SYTL3: variants seen among roughly 807,000 people sequenced by gnomAD.
SYTL3 encodes synaptotagmin like 3.
In SYTL3, 88 loss-of-function variants were observed where a neutral mutation model predicts 82.1. That is an observed-to-expected ratio of 1.07 (90% CI 0.90 to 1.28). The LOEUF (loss-of-function observed/expected upper bound fraction) is 1.28, where lower values mean the gene tolerates loss of function less well. SYTL3 is among the 50% of genes most tolerant of loss of function. The pLI, the probability that SYTL3 is intolerant of heterozygous loss-of-function variation, is 0.00. For synonymous variants in SYTL3, 311 were observed against 289.4 expected, an observed-to-expected ratio of 1.07 and a Z score of -0.76; for missense variants, 831 against 757.6, an observed-to-expected ratio of 1.10 and a Z score of -1.14.
chr6:158,745,722 A>T, intron 12 of SYTL3, 64 bp downstream of exon 12: 1 of 1,286,748 alleles, frequency 7.8e-7, no homozygotes, highest in Non-Finnish European at 1.1e-6. Context: ...TGAAAAAGTA[A>T]AAGTCTAAGA....
chr6:158,722,762 G>GGTTTTTT (rs1784256992), intron 10 of SYTL3, among the ~76,000 whole-genome samples: 1 of 80,896 alleles, frequency 1.2e-5, no homozygotes, highest in African/African-American at 5.4e-5. Flanking sequence ...TCTCTTTTCT[G>GGTTTTTT]TTTTTTTTTT....
At chr6:158,736,865 T>C (rs771805511) in intron 11 of SYTL3, among the ~76,000 whole-genome samples, 11 of 151,642 alleles carry the variant, frequency 7.3e-5, no homozygotes, top group Non-Finnish European at 1.3e-4. Context: ...TTTGAAATAG[T>C]GTTTCCTGGA....
intron 5 of SYTL3, among the ~76,000 whole-genome samples, chr6:158,678,035 G>T (rs317790): frequency 2.0e-5 from 3 of 152,056 alleles, no homozygotes; most frequent in African/African-American, 7.2e-5. Context: ...GACTACTGGC[G>T]TGCACCACCA....
At chr6:158,696,208 C>G (rs567919068) in intron 6 of SYTL3, among the ~76,000 whole-genome samples, 153 of 149,274 alleles carry the variant, frequency 1.0e-3, no homozygotes, top group African/African-American at 3.3e-3. Context: ...TTTATTAACA[C>G]TTTTTTTTTT....
At chr6:158,697,913 G>A (rs2128434733) in intron 6 of SYTL3, among the ~76,000 whole-genome samples, 1 of 152,272 alleles carries the variant, frequency 6.6e-6, no homozygotes, top group Non-Finnish European at 1.5e-5. Flanking sequence ...AATGTCTGGT[G>A]GCAGAAGGAT....
At position 158,749,366 on chromosome 6, in the gene SYTL3, G is replaced by A. The variant is rs1162083265; in HGVS notation, c.1035-2562G>A. Among the ~76,000 whole-genome samples, 3 of 138,128 alleles carry A rather than the reference G, an allele frequency of 2.2e-5. No homozygotes were observed. The Admixed American group carries it at 2.2e-4, about 10-fold the overall frequency. The allele number at this position is 138,128 out of a possible 152,430, so 90.6% of individuals were successfully genotyped here. A position where few individuals can be genotyped will look rare whatever the true frequency, so the allele number is the denominator to read the frequency against. On this transcript the variant is annotated intron_variant, in intron 12 of 17. Transcript: ENST00000611299. The stretch of plus-strand genomic sequence containing the variant: ...AGATTGTGCCACTGTACTCCAGCCT[G>A]GGCAACCAAGTGAGACTCTGTCTGA...
intron 8 of SYTL3, among the ~76,000 whole-genome samples, chr6:158,709,725 A>C (rs1318980634): frequency 6.6e-6 from 1 of 152,218 alleles, no homozygotes; most frequent in Non-Finnish European, 1.5e-5. Context: ...TGAATGTTGG[A>C]ATCCTGAAAG....
chr6:158,715,043 G>T (rs1223345437), intron 9 of SYTL3, among the ~76,000 whole-genome samples: 1 of 152,134 alleles, frequency 6.6e-6, no homozygotes, highest in Non-Finnish European at 1.5e-5. Flanking sequence ...ATCCTGCTGG[G>T]CTCTCTGACA....
chr6:158,648,878 C>A (rs1787693838), upstream of SYTL3, among the ~76,000 whole-genome samples: 1 of 152,138 alleles, frequency 6.6e-6, no homozygotes, highest in Non-Finnish European at 1.5e-5. Flanking sequence ...GAGTCCTGTG[C>A]TGAGAAAAGC....
intron 12 of SYTL3, among the ~76,000 whole-genome samples, chr6:158,751,221 G>A (rs936790499): frequency 2.6e-5 from 4 of 152,064 alleles, no homozygotes; most frequent in Non-Finnish European, 5.9e-5. Flanking sequence ...GGAAAGTAGA[G>A]CCTGTTTCTA....
intron 6 of SYTL3, among the ~76,000 whole-genome samples, chr6:158,700,858 T>C (rs563918562): frequency 2.5e-4 from 38 of 151,956 alleles, no homozygotes; most frequent in East Asian, 3.9e-4. Flanking sequence ...CCTCATGATC[T>C]GCCCTCCTTG....
At chr6:158,756,718 AATTTTTTTTTTTTT>A (rs1415154595) in intron 13 of SYTL3, among the ~76,000 whole-genome samples, 1 of 47,340 alleles carries the variant, frequency 2.1e-5, no homozygotes, top group African/African-American at 7.2e-5. Context: ...CTCAAAAAAA[AATTTTTTTTTTTTT>A]TTTTTTTTTT....
At chr6:158,746,062 G>A (rs1434988919) in intron 12 of SYTL3, among the ~76,000 whole-genome samples, 1 of 152,100 alleles carries the variant, frequency 6.6e-6, no homozygotes, top group Non-Finnish European at 1.5e-5. Flanking sequence ...CCCCTTTCTG[G>A]TTCTTAGATG....
chr6:158,699,598 G>A (rs1450238408), intron 6 of SYTL3, among the ~76,000 whole-genome samples: 1 of 152,200 alleles, frequency 6.6e-6, no homozygotes, highest in East Asian at 1.9e-4. Context: ...AGTGCTGTGA[G>A]CCCTGCTGTG....
rs182074552 is a variant in SYTL3 at position 158,745,707 on chromosome 6, G to C, written c.1034+49G>C. The C allele has an allele frequency of 3.0e-6, 4 of 1,350,954 alleles. No homozygotes were observed. In the Admixed American group the frequency reaches 1.1e-4, roughly 36 times the overall value. The allele number at this position is 1,350,954 out of a possible 1,614,324, so 83.7% of individuals were successfully genotyped here. On this transcript the variant is annotated intron_variant, in intron 12 of 17. Coordinates refer to ENST00000611299, the MANE Select transcript of SYTL3 (RefSeq NM_001242394.2). Reference sequence around the variant, plus strand: ...ACATGAGACATATTGATTCCAAAATGTATATGAAAAAGTAAAAGTCTAAGA... The same window carrying C: ...ACATGAGACATATTGATTCCAAAATCTATATGAAAAAGTAAAAGTCTAAGA...
chr6:158,717,997 C>A, intron 9 of SYTL3, 90 bp from the exon 10 acceptor site: 1 of 1,298,878 alleles, frequency 7.7e-7, no homozygotes, highest in Non-Finnish European at 1.0e-6. Flanking sequence ...GACCCACTGT[C>A]TGTGGGTTCA....
intron 12 of SYTL3, among the ~76,000 whole-genome samples, chr6:158,746,868 G>C (rs1562456360): frequency 6.6e-6 from 1 of 151,622 alleles, no homozygotes; most frequent in East Asian, 1.9e-4. Flanking sequence ...TGCTCAACCT[G>C]ATCTTGAACT....
At chr6:158,747,358 A>C (rs1345082428) in intron 12 of SYTL3, among the ~76,000 whole-genome samples, 1 of 151,392 alleles carries the variant, frequency 6.6e-6, no homozygotes, top group African/African-American at 2.4e-5. Flanking sequence ...TAATTAATTA[A>C]AATTAATTTT....
rs555152028 is a variant in SYTL3, at chr6:158,715,039, C to G, written c.595+1161C>G. ...CTTAAAAATCACTGTTTCCATCCTG[C>G]TGGGCTCTCTGACAGTAACCCCTGC... On this transcript the variant is annotated intron_variant, in intron 9 of 17. Coordinates refer to ENST00000611299, the MANE Select transcript of SYTL3 (RefSeq NM_001242394.2). 3.9e-5 allele frequency among the ~76,000 whole-genome samples: 6 copies of G among 152,324 alleles called. No individual in the cohort carries two copies. The East Asian group carries it at 1.2e-3, about 29-fold the overall frequency.
Sources: gnomAD v4.1 joint callset for allele counts (sites outside exome capture counted in the v4.1 genomes callset) on GRCh38, gnomAD v4.1.1 for gene constraint, MANE v1.5 for transcripts, NCBI Gene and HGNC (gene_info 2026-07-23, HGNC 2026-07-21) for gene names.